Variants in MTUS2 observed in about 807,000 individuals in gnomAD.
The protein encoded by MTUS2 is microtubule-associated tumor suppressor candidate 2.
A neutral mutation model predicts 114.1 loss-of-function variants in MTUS2; 40 were observed. The observed-to-expected ratio is 0.35, with a 90% confidence interval of 0.27 to 0.46. MTUS2 has a LOEUF of 0.46. Among genes scored for constraint, MTUS2 ranks in the 20% least tolerant of loss-of-function variants. The pLI is 1.00. For synonymous variants in MTUS2, 688 were observed against 672.0 expected, an observed-to-expected ratio of 1.02 and a Z score of -0.37; for missense variants, 1,679 against 1,705.4, an observed-to-expected ratio of 0.98 and a Z score of 0.27.
intron 4 of MTUS2, among the ~76,000 whole-genome samples, chr13:29,037,073 G>A (rs1439315385): frequency 1.3e-5 from 2 of 152,224 alleles, no homozygotes; most frequent in Middle Eastern, 6.8e-3. Flanking sequence ...TGGTTATTTT[G>A]CCTGTTAGTT....
intron 5 of MTUS2, among the ~76,000 whole-genome samples, chr13:29,235,341 C>T (rs1896496349): frequency 6.6e-6 from 1 of 152,174 alleles, no homozygotes; most frequent in Non-Finnish European, 1.5e-5. Context: ...GATCTGCCCT[C>T]CTCGGCCTCC....
intron 14 of MTUS2, among the ~76,000 whole-genome samples, chr13:29,498,997 C>T (rs898658087): frequency 3.9e-5 from 6 of 152,188 alleles, no homozygotes; most frequent in Non-Finnish European, 8.8e-5. Context: ...TTCCAGTCCT[C>T]ACAAGGCAGA....
At chr13:29,473,149 CAT>C (rs899981247) in intron 9 of MTUS2, among the ~76,000 whole-genome samples, 5 of 151,718 alleles carry the variant, frequency 3.3e-5, no homozygotes, top group African/African-American at 7.3e-5. Context: ...ATAATGGTAA[CAT>C]GTATATATAT....
intron 6 of MTUS2, among the ~76,000 whole-genome samples, chr13:29,284,580 T>A (rs1255218856): frequency 6.6e-6 from 1 of 152,132 alleles, no homozygotes; most frequent in Non-Finnish European, 1.5e-5. Context: ...AAAATGAAAT[T>A]AAACAAATGG....
At chr13:28,986,575 G>A (rs1337216621) in intron 2 of MTUS2, among the ~76,000 whole-genome samples, 2 of 152,148 alleles carry the variant, frequency 1.3e-5, no homozygotes, top group South Asian at 2.1e-4. Flanking sequence ...TGAATTTTGG[G>A]CTACTCTCCC....
At chr13:29,100,693 T>C in intron 4 of MTUS2, 80 bp from the exon 5 acceptor site, 1 of 1,454,366 alleles carries the variant, frequency 6.9e-7, no homozygotes. Context: ...TAGAACTGGG[T>C]TCGAATTCAT....
intron 4 of MTUS2, among the ~76,000 whole-genome samples, chr13:29,039,738 A>G (rs1360669152): frequency 3.3e-5 from 5 of 152,236 alleles, no homozygotes; most frequent in Admixed American, 6.5e-5. Flanking sequence ...GGAAAAACAA[A>G]TCATTTACTC....
chr13:28,979,608 T>G lies in MTUS2; in HGVS notation c.-242-44849T>G, dbSNP rs960968268. Among the ~76,000 whole-genome samples the G allele has an allele frequency of 1.3e-5, 2 of 152,168 alleles. 1 individual carries two copies. The highest frequency in any genetic ancestry group is 4.1e-4 in the South Asian group (2 of 4,828). ...TGAAATTAATAGAAGAGTTAAATGG[T>G]AAAACATGTAGTCACCATGAGTTTA... On this transcript the variant is annotated intron_variant, in intron 2 of 15. Coordinates refer to ENST00000612955, the MANE Select transcript of MTUS2 (RefSeq NM_001033602.4).
chr13:28,833,683 A>C (rs1472991377), intron 1 of MTUS2, among the ~76,000 whole-genome samples: 2 of 152,122 alleles, frequency 1.3e-5, no homozygotes, highest in Non-Finnish European at 2.9e-5. Flanking sequence ...TATTCAGCCT[A>C]ATACTGGATG....
In MTUS2 at chr13:29,236,425, A is replaced by G. The variant is rs554379073; in HGVS notation, c.2645-45279A>G. On this transcript the variant is annotated intron_variant, in intron 5 of 15. Transcript: ENST00000612955. Reference sequence around the variant, plus strand: ...TTTCCCACAAACTCCCTGAAAACTCAAGCCCTAGTACAACCTAGGCAAGAA... The same window carrying G: ...TTTCCCACAAACTCCCTGAAAACTCGAGCCCTAGTACAACCTAGGCAAGAA... 1.2e-3 allele frequency among the ~76,000 whole-genome samples: 184 copies of G among 152,334 alleles called. 1 individual carries two copies. The highest frequency in any genetic ancestry group is 2.5e-4 in the Non-Finnish European group (17 of 68,032).
At chr13:29,454,234 A>G (rs1878948539) in intron 9 of MTUS2, among the ~76,000 whole-genome samples, 1 of 152,188 alleles carries the variant, frequency 6.6e-6, no homozygotes. Flanking sequence ...GGGCTCTTCA[A>G]TACAGCTGTT....
At chr13:28,907,134 T>G (rs1450461679) in intron 2 of MTUS2, among the ~76,000 whole-genome samples, 1 of 151,450 alleles carries the variant, frequency 6.6e-6, no homozygotes, top group East Asian at 1.9e-4. Flanking sequence ...AACCCAGAAT[T>G]TCATATCCAG....
chr13:29,341,298 T>TC (rs1395837501), intron 7 of MTUS2, among the ~76,000 whole-genome samples: 3 of 152,160 alleles, frequency 2.0e-5, no homozygotes, highest in African/African-American at 2.4e-5. Context: ...TTTCACAACA[T>TC]CCCCACCAAC....
chr13:29,478,057 C>G (rs959897502), intron 9 of MTUS2, among the ~76,000 whole-genome samples: 2 of 152,172 alleles, frequency 1.3e-5, no homozygotes, highest in African/African-American at 4.8e-5. Context: ...GCACTAAATT[C>G]AGAAACATTC....
intron 5 of MTUS2, among the ~76,000 whole-genome samples, chr13:29,246,864 A>G (rs1431442644): frequency 1.3e-5 from 2 of 151,540 alleles, no homozygotes; most frequent in African/African-American, 4.8e-5. Context: ...TGCAATTCTC[A>G]TCAAAATACC....
chr13:29,229,240 T>G (rs1420148516), intron 5 of MTUS2, among the ~76,000 whole-genome samples: 1 of 152,218 alleles, frequency 6.6e-6, no homozygotes, highest in Non-Finnish European at 1.5e-5. Context: ...GTCACTGACT[T>G]TAACTTTGTT....
intron 5 of MTUS2, among the ~76,000 whole-genome samples, chr13:29,185,136 CTGAAA>C (rs1894169291): frequency 6.6e-6 from 1 of 151,830 alleles, no homozygotes; most frequent in Admixed American, 6.6e-5. Context: ...AGTACAATGA[CTGAAA>C]TAAGAAATTT....
In MTUS2 at chr13:29,114,729, C is replaced by T. The variant is rs145235762; in HGVS notation, c.2644+13759C>T. On this transcript the variant is annotated intron_variant, in intron 5 of 15. Transcript: ENST00000612955. ...CCTGGTTTTCTTGAAGACCTCCTGT[C>T]CAGCTGCTCGCTTGCCCTGCCCTCC... Among the ~76,000 whole-genome samples, 136 of 152,246 alleles carry T rather than the reference C, an allele frequency of 8.9e-4. 1 individual carries two copies. Among genetic ancestry groups the T allele is most frequent in the East Asian group, 3.3e-3 (17 of 5,174 alleles).
chr13:29,163,235 G>A (rs563253437), intron 5 of MTUS2, among the ~76,000 whole-genome samples: 14 of 152,190 alleles, frequency 9.2e-5, no homozygotes, highest in African/African-American at 3.1e-4. Context: ...ATGAAAATGG[G>A]CTGCTGTTTA....
Sources: gnomAD v4.1 joint callset for allele counts (sites outside exome capture counted in the v4.1 genomes callset) on GRCh38, gnomAD v4.1.1 for gene constraint, MANE v1.5 for transcripts, NCBI Gene and HGNC (gene_info 2026-07-23, HGNC 2026-07-21) for gene names.